Variants in SPSB4 observed in about 807,000 individuals in gnomAD.
SPSB4 encodes splA/ryanodine receptor domain and SOCS box containing 4.
A neutral mutation model predicts 20.9 loss-of-function variants in SPSB4; 21 were observed. That is an observed-to-expected ratio of 1.01 (90% CI 0.71 to 1.45). The LOEUF (loss-of-function observed/expected upper bound fraction) is 1.45, where lower values mean the gene tolerates loss of function less well. Among genes scored for constraint, SPSB4 ranks in the 40% most tolerant of loss-of-function variants. The pLI is 0.00. For missense variants in SPSB4, 399 were observed against 399.2 expected, an observed-to-expected ratio of 1.00 and a Z score of 0.00; for synonymous variants, 207 against 183.8, an observed-to-expected ratio of 1.13 and a Z score of -1.02.
At chr3:141,058,411 C>T (rs1937698644) in intron 1 of SPSB4, among the ~76,000 whole-genome samples, 1 of 152,210 alleles carries the variant, frequency 6.6e-6, no homozygotes, top group South Asian at 2.1e-4. Context: ...TAAGCATCCC[C>T]ATCCAAGCAT....
At chr3:141,110,887 C>T (rs923489241) in intron 2 of SPSB4, among the ~76,000 whole-genome samples, 1 of 152,192 alleles carries the variant, frequency 6.6e-6, no homozygotes, top group Non-Finnish European at 1.5e-5. Flanking sequence ...CTGAGAGTCC[C>T]AGAGGTGAAG....
At chr3:141,133,882 G>A (rs1011531362) in intron 2 of SPSB4, among the ~76,000 whole-genome samples, 4 of 151,992 alleles carry the variant, frequency 2.6e-5, no homozygotes, top group Admixed American at 6.6e-5. Context: ...TGGCAGTATG[G>A]TCATCTTCAC....
In SPSB4 at chr3:141,123,896, G is replaced by T. The variant is rs181660520; in HGVS notation, c.695-23246G>T. The stretch of plus-strand genomic sequence containing the variant: ...TCCAACCATTGTGCAGCTCCCTGGG[G>T]CAGGTTCCAAGTTAAACACAGTCAG... On this transcript the variant is annotated intron_variant, in intron 2 of 2. Transcript: ENST00000310546. Among the ~76,000 whole-genome samples the T allele has an allele frequency of 9.7e-4, 147 of 152,326 alleles. 3 individuals carry two copies. Among genetic ancestry groups the T allele is most frequent in the African/African-American group, 3.5e-3 (144 of 41,574 alleles).
chr3:141,096,549 T>C lies in SPSB4; in HGVS notation c.694+29751T>C, dbSNP rs1938549941. ...GAATCCCTAATGGGTTCCATCTAAC[T>C]GCACTATGCCAGATTTCCTAGAGTA... On this transcript the variant is annotated intron_variant, in intron 2 of 2. Coordinates refer to ENST00000310546, the MANE Select transcript of SPSB4 (RefSeq NM_080862.3). Among the ~76,000 whole-genome samples the C allele has an allele frequency of 3.3e-5, 5 of 152,252 alleles. No homozygotes were observed. In the East Asian group the frequency reaches 9.6e-4, roughly 29 times the overall value.
intron 2 of SPSB4, among the ~76,000 whole-genome samples, chr3:141,116,093 A>G (rs1938875729): frequency 6.6e-6 from 1 of 152,212 alleles, no homozygotes; most frequent in East Asian, 1.9e-4. Context: ...TTTCCCAAGT[A>G]GAGGAAGTTT....
At chr3:141,058,575 G>T (rs1056709222) in intron 1 of SPSB4, among the ~76,000 whole-genome samples, 3 of 152,158 alleles carry the variant, frequency 2.0e-5, no homozygotes, top group African/African-American at 7.2e-5. Flanking sequence ...GCCCAGTGCT[G>T]CATGCTGTAG....
chr3:141,127,361 T>C lies in SPSB4; in HGVS notation c.695-19781T>C, dbSNP rs79021373. 1.9e-4 allele frequency among the ~76,000 whole-genome samples: 29 copies of C among 152,342 alleles called. No homozygotes were observed. In the East Asian group the frequency reaches 5.6e-3, roughly 29 times the overall value. On this transcript the variant is annotated intron_variant, in intron 2 of 2. Transcript: ENST00000310546. ...CTAAAATGAGCCTCACCTGTAAAGCTGAGTGAGGCCTCAGTTCAGCCAGTC... is the reference window on the plus strand; with the variant it reads ...CTAAAATGAGCCTCACCTGTAAAGCCGAGTGAGGCCTCAGTTCAGCCAGTC...
At chr3:141,089,307 A>C (rs143576156) in intron 2 of SPSB4, among the ~76,000 whole-genome samples, 207 of 152,322 alleles carry the variant, frequency 1.4e-3, no homozygotes, top group African/African-American at 4.6e-3. Flanking sequence ...GATTGGCCAA[A>C]ACGGTTCCAG....
chr3:141,140,095 C>T (rs149086527), intron 2 of SPSB4, among the ~76,000 whole-genome samples: 55 of 152,244 alleles, frequency 3.6e-4, no homozygotes, highest in African/African-American at 1.1e-3. Flanking sequence ...CATCTTCCAT[C>T]GCTGATACCC....
Position 141,066,097 on chromosome 3 carries a change from A to C in SPSB4, c.-8A>C. 6.6e-7 allele frequency: 1 copy of C among 1,513,584 alleles called. No individual in the cohort carries two copies. The highest frequency in any genetic ancestry group is 8.8e-7 in the Non-Finnish European group (1 of 1,137,148). 93.8% of individuals were successfully genotyped at this position (1,513,584 alleles called of 1,614,324 possible). A position where few individuals can be genotyped will look rare whatever the true frequency, so the allele number is the denominator to read the frequency against. The stretch of plus-strand genomic sequence containing the variant: ...TGGCCTGCAGCGGCCTCCTCCCCGC[A>C]GTGAAGCATGGGCCAGAAGCTCTCG... On this transcript the variant is annotated 5_prime_UTR_variant, in exon 2 of 3. Transcript: ENST00000310546.
chr3:141,080,475 A>C (rs965883549), intron 2 of SPSB4: 2 of 152,388 alleles, frequency 1.3e-5, no homozygotes, highest in African/African-American at 4.8e-5. Context: ...ACCTGGGGCA[A>C]GTGAGTGACC....
rs149856939 is a variant in SPSB4 at position 141,135,313 on chromosome 3, C to G, written c.695-11829C>G. Among the ~76,000 whole-genome samples, 85 of 150,464 alleles carry G rather than the reference C, an allele frequency of 5.6e-4. No homozygotes were observed. In the East Asian group the frequency reaches 0.015, roughly 27 times the overall value. Reference sequence around the variant, plus strand: ...ATTTATTTATCTACTCTCTGATGTACATTTGGGTCACTTCCAGTTTTTCTT... The same window carrying G: ...ATTTATTTATCTACTCTCTGATGTAGATTTGGGTCACTTCCAGTTTTTCTT... On this transcript the variant is annotated intron_variant, in intron 2 of 2. Transcript: ENST00000310546.
intron 2 of SPSB4, chr3:141,115,306 A>G (rs1938866133): frequency 6.6e-6 from 1 of 152,210 alleles, no homozygotes; most frequent in Non-Finnish European, 1.5e-5. Context: ...GCAGGTACTG[A>G]CATCCCTAAC....
At chr3:141,081,568 G>T (rs2107786899) in intron 2 of SPSB4, among the ~76,000 whole-genome samples, 1 of 152,258 alleles carries the variant, frequency 6.6e-6, no homozygotes. Flanking sequence ...GGTCTTTGGT[G>T]GTGGGGGGTA....
Position 141,147,355 on chromosome 3 carries a change from A to G in SPSB4, c.*86A>G. On this transcript the variant is annotated 3_prime_UTR_variant, in exon 3 of 3. Transcript: ENST00000310546. ...TTCACAGTCCCATGGCACATAGGGG[A>G]AAGGATCTACCCTTCTCCTGGCTCC... 1 of 1,580,748 alleles carries G rather than the reference A, an allele frequency of 6.3e-7. No individual in the cohort carries two copies. The highest frequency in any genetic ancestry group is 1.1e-5 in the South Asian group (1 of 87,760).
At chr3:141,087,392 A>AG (rs1405528018) in intron 2 of SPSB4, among the ~76,000 whole-genome samples, 1 of 152,210 alleles carries the variant, frequency 6.6e-6, no homozygotes, top group Non-Finnish European at 1.5e-5. Flanking sequence ...AGGAAGCACC[A>AG]GGGGGCCTTG....
chr3:141,095,416 G>T (rs1018221482), intron 2 of SPSB4, among the ~76,000 whole-genome samples: 2 of 152,226 alleles, frequency 1.3e-5, no homozygotes, highest in Non-Finnish European at 1.5e-5. Flanking sequence ...CTGGGGCGCA[G>T]AACAGACTTA....
chr3:141,129,601 A>G (rs548664684), intron 2 of SPSB4, among the ~76,000 whole-genome samples: 1 of 152,140 alleles, frequency 6.6e-6, no homozygotes, highest in East Asian at 1.9e-4. Context: ...GCATGCACAC[A>G]TGAGCGAATC....
In SPSB4 at chr3:141,066,539, C is replaced by A. The variant is rs1221001231; in HGVS notation, c.435C>A (p.Gly145=). 6.6e-7 allele frequency: 1 copy of A among 1,514,978 alleles called. No individual in the cohort carries two copies. The highest frequency in any genetic ancestry group is 8.8e-7 in the Non-Finnish European group (1 of 1,130,426). 93.8% of individuals were successfully genotyped at this position (1,514,978 alleles called of 1,614,324 possible). ...SDAESWGWDL[G]RSRLYHDGKN... ...CCGAGTCGTGGGGCTGGGACCTGGG[C>A]CGCAGCCGCCTCTACCACGACGGCA... is the stretch of plus-strand genomic sequence containing the variant. The change falls in exon 2 of 3, where the codon GGC becomes GGA. Residue 145 remains glycine (G), a synonymous_variant. Transcript: ENST00000310546.
Sources: allele counts gnomAD v4.1 joint callset (sites outside exome capture counted in the v4.1 genomes callset), GRCh38; gene constraint gnomAD v4.1.1; transcripts MANE v1.5; gene names NCBI Gene and HGNC (gene_info 2026-07-23, HGNC 2026-07-21).